The following SPAM1 variants were observed in gnomAD, a reference collection of about 807,000 sequenced individuals.
SPAM1 encodes sperm adhesion molecule 1.
SPAM1 carries 22 observed loss-of-function variants against 29.6 expected under a neutral mutation model. The ratio of observed to expected loss-of-function variants is 0.74; its 90% CI spans 0.53 to 1.06. SPAM1 has a LOEUF of 1.06. SPAM1 is among the 50% of genes least tolerant of loss of function. SPAM1 has a pLI of 0.00. For synonymous variants in SPAM1, 194 were observed against 204.6 expected (o/e 0.95, Z 0.44); for missense variants, 534 against 604.0 (o/e 0.88, Z 1.21).
rs4731132 is a variant in SPAM1, at chr7:123,937,417, T to A, written c.-319+12065T>A. Among the ~76,000 whole-genome samples the A allele has an allele frequency of 4.2e-3, 638 of 151,572 alleles. 6 individuals carry two copies. The highest frequency in any genetic ancestry group is 5.3e-3 in the Non-Finnish European group (363 of 67,900). On this transcript the variant is annotated intron_variant, in intron 1 of 4. Coordinates refer to ENST00000682466, the MANE Select transcript of SPAM1 (RefSeq NM_153189.3). ...GAGATCGAGACCATCCTGGATAACATGGTGAAATCCCGTCTCTACTAAAAA... is the reference window on the plus strand; with the variant it reads ...GAGATCGAGACCATCCTGGATAACAAGGTGAAATCCCGTCTCTACTAAAAA...
At chr7:123,937,514 T>C (rs945148025) in intron 1 of SPAM1, among the ~76,000 whole-genome samples, 42 of 140,412 alleles carry the variant, frequency 3.0e-4, no homozygotes, top group African/African-American at 1.1e-3. Flanking sequence ...GGCAGGAGAA[T>C]GGATTGAACC....
At chr7:123,941,002 C>T (rs1217203515) in intron 1 of SPAM1, among the ~76,000 whole-genome samples, 1 of 152,118 alleles carries the variant, frequency 6.6e-6, no homozygotes, top group Non-Finnish European at 1.5e-5. Context: ...TACACCATTA[C>T]AATAGGACAA....
Position 123,953,694 on chromosome 7 carries a change from C to T in SPAM1, c.124C>T (p.Pro42Ser). The T allele has an allele frequency of 6.2e-7, 1 of 1,613,416 alleles. No homozygotes were observed. The highest frequency in any genetic ancestry group is 8.5e-7 in the Non-Finnish European group (1 of 1,179,692). ...CTTGACTCTGAATTTCAGAGCACCTCCTGTTATTCCAAATGTGCCTTTCCT... is the reference window on the plus strand; with the variant it reads ...CTTGACTCTGAATTTCAGAGCACCTTCTGTTATTCCAAATGTGCCTTTCCT... ...CCLTLNFRAP[P>S]VIPNVPFLWA... Residue 42 changes from proline (P) to serine (S), a missense_variant, in exon 3 of 5, where the codon CCT becomes TCT. Pro to Ser is a moderately conservative substitution (Grantham distance 74, BLOSUM62 -1). Transcript: ENST00000682466.
At chr7:123,949,703 T>G (rs1304695915) in intron 1 of SPAM1, among the ~76,000 whole-genome samples, 169 bp from the exon 2 acceptor site, 1 of 152,164 alleles carries the variant, frequency 6.6e-6, no homozygotes. Context: ...CATTTTGAAC[T>G]TATCCTTAGA....
intron 6 of SPAM1, chr7:123,970,395 A>G (rs1182313784): frequency 3.8e-6 from 3 of 782,626 alleles, no homozygotes; most frequent in East Asian, 2.9e-5. Context: ...AGAATACTCT[A>G]AAGACCTCAT....
intron 5 of SPAM1, among the ~76,000 whole-genome samples, chr7:123,966,929 C>A (rs10228626): frequency 0.035 from 5,277 of 151,990 alleles, 306 homozygotes; most frequent in African/African-American, 0.12. Flanking sequence ...AAAAAAAATA[C>A]AATTTTTTTC....
intron 1 of SPAM1, among the ~76,000 whole-genome samples, chr7:123,939,027 T>C (rs1158204923): frequency 6.6e-6 from 1 of 151,750 alleles, no homozygotes. Flanking sequence ...GAAGAGAGCA[T>C]CCTCAGCAAA....
intron 1 of SPAM1, among the ~76,000 whole-genome samples, chr7:123,941,379 AG>A (rs933282366): frequency 3.9e-5 from 6 of 152,232 alleles, no homozygotes; most frequent in Non-Finnish European, 8.8e-5. Context: ...TTGGTGTGGC[AG>A]GGCGGGACAA....
downstream of SPAM1, among the ~76,000 whole-genome samples, chr7:123,960,488 A>G (rs1019483626): frequency 1.7e-5 from 2 of 116,758 alleles, no homozygotes; most frequent in East Asian, 4.3e-4. Context: ...GGAAGAGATA[A>G]GGGAAAAGAA....
intron 5 of SPAM1, among the ~76,000 whole-genome samples, chr7:123,967,681 G>A (rs1251631634): frequency 6.6e-6 from 1 of 151,740 alleles, no homozygotes; most frequent in African/African-American, 2.4e-5. Flanking sequence ...CTGCTAAAAT[G>A]CAAGAAGGAA....
At chr7:123,925,572 G>T (rs1584943086) in intron 1 of SPAM1, 1 of 151,958 alleles carries the variant, frequency 6.6e-6, no homozygotes. Context: ...TGAGTTCCTT[G>T]GTCTGATTCA....
At chr7:123,970,411 C>T in intron 6 of SPAM1, 5 of 628,616 alleles carry the variant, frequency 8.0e-6, no homozygotes, top group Non-Finnish European at 1.3e-5. Flanking sequence ...CTCATTTTCA[C>T]TTAATTACCT....
chr7:123,965,646 C>T (rs753477852), intron 5 of SPAM1, among the ~76,000 whole-genome samples: 10 of 151,880 alleles, frequency 6.6e-5, no homozygotes, highest in Admixed American at 2.0e-4. Context: ...TTCTCTATTC[C>T]GTTCCATTGA....
intron 1 of SPAM1, among the ~76,000 whole-genome samples, chr7:123,928,982 C>T (rs554064277): frequency 3.7e-4 from 56 of 152,082 alleles, no homozygotes; most frequent in Admixed American, 1.3e-3. Context: ...TGTTTTCCTG[C>T]GAGCCTTTTT....
chr7:123,954,425 C>T lies in SPAM1; in HGVS notation c.855C>T (p.Ala285=), dbSNP rs1222813945. 1.8e-5 allele frequency: 29 copies of T among 1,613,272 alleles called. No homozygotes were observed. Among genetic ancestry groups the T allele is most frequent in the African/African-American group, 2.7e-5 (2 of 74,854 alleles). The change falls in exon 3 of 5, where the codon GCC becomes GCT. Residue 285 remains alanine (A), a synonymous_variant. Coordinates refer to ENST00000682466, the MANE Select transcript of SPAM1 (RefSeq NM_153189.3). ...ATGTGCGCAATCGAGTTCGGGAAGC[C>T]ATCAGAGTTTCCAAAATACCTGATG... is the stretch of plus-strand genomic sequence containing the variant. ...TLYVRNRVRE[A]IRVSKIPDAK...
At chr7:123,930,446 A>G (rs753497622) in intron 1 of SPAM1, among the ~76,000 whole-genome samples, 1 of 152,178 alleles carries the variant, frequency 6.6e-6, no homozygotes, top group South Asian at 2.1e-4. Context: ...TGCAGCTCCC[A>G]TGATCCAAAA....
chr7:123,943,181 G>A (rs1485473983), intron 1 of SPAM1, among the ~76,000 whole-genome samples: 1 of 152,120 alleles, frequency 6.6e-6, no homozygotes, highest in East Asian at 1.9e-4. Flanking sequence ...TTTAGTCTAT[G>A]CAGTTAACTC....
downstream of SPAM1, among the ~76,000 whole-genome samples, chr7:123,964,408 T>C (rs1792396811): frequency 6.6e-6 from 1 of 151,946 alleles, no homozygotes; most frequent in East Asian, 1.9e-4. Flanking sequence ...TAATCCTAGA[T>C]AATAGATATA....
intron 1 of SPAM1, among the ~76,000 whole-genome samples, chr7:123,941,293 G>T (rs1374326814): frequency 6.6e-6 from 1 of 152,192 alleles, no homozygotes; most frequent in Non-Finnish European, 1.5e-5. Flanking sequence ...TCCCAAGTTG[G>T]TCGGGGTGCA....
Sources: allele counts gnomAD v4.1 joint callset (sites outside exome capture counted in the v4.1 genomes callset), GRCh38; gene constraint gnomAD v4.1.1; transcripts MANE v1.5; gene names NCBI Gene and HGNC (gene_info 2026-07-23, HGNC 2026-07-21).